Variants in SH2D4B observed in about 807,000 individuals in gnomAD.
SH2D4B encodes SH2 domain containing 4B, also known as SH2 domain-containing protein 4B.
Under a neutral mutation model 61.5 loss-of-function variants are expected in SH2D4B, and 45 were observed. The observed-to-expected ratio is 0.73, with a 90% CI of 0.58 to 0.94. SH2D4B has a LOEUF of 0.94. SH2D4B is among the 40% of genes least tolerant of loss of function. The pLI, the probability that SH2D4B is intolerant of heterozygous loss-of-function variation, is 0.00. For synonymous variants in SH2D4B, 224 were observed against 220.4 expected (o/e 1.02, Z -0.14); for missense variants, 572 against 574.2 (o/e 1.00, Z 0.04).
chr10:80,560,855 G>A (rs915707948), intron 1 of SH2D4B, among the ~76,000 whole-genome samples: 1 of 151,890 alleles, frequency 6.6e-6, no homozygotes, highest in Non-Finnish European at 1.5e-5. Context: ...AACACTAAGA[G>A]GTTATTTACT....
chr10:80,539,541 G>A lies in SH2D4B; in HGVS notation c.184+1026G>A, dbSNP rs1031583990. ...ATGAGTGGCTCTCACCGTTGGGAAT[G>A]TCCTTCTGCCTTCATCCACCTGACA... On this transcript the variant is annotated intron_variant, in intron 1 of 7. Transcript: ENST00000646907. This position sits in a 1 kb window ranked among gnomAD's most constrained non-coding sequence, Gnocchi z 4.9. Among the ~76,000 whole-genome samples the A allele has an allele frequency of 2.6e-5, 4 of 152,236 alleles. No homozygotes were observed. Among genetic ancestry groups the A allele is most frequent in the African/African-American group, 9.6e-5 (4 of 41,462 alleles).
chr10:80,634,104 C>T (rs563998120), intron 6 of SH2D4B, among the ~76,000 whole-genome samples, 181 bp from the exon 7 acceptor site: 107 of 152,302 alleles, frequency 7.0e-4, no homozygotes, highest in African/African-American at 2.3e-3. Flanking sequence ...AAGATGCCCT[C>T]TCTGTGGAAG....
intron 4 of SH2D4B, among the ~76,000 whole-genome samples, chr10:80,592,378 T>C (rs1564777561): frequency 6.6e-6 from 1 of 152,220 alleles, no homozygotes; most frequent in Non-Finnish European, 1.5e-5. Flanking sequence ...AATTTTAATT[T>C]TGATGAAGTT....
At chr10:80,564,116 A>G (rs1419436247) in intron 1 of SH2D4B, among the ~76,000 whole-genome samples, 2 of 152,058 alleles carry the variant, frequency 1.3e-5, no homozygotes, top group Non-Finnish European at 2.9e-5. Flanking sequence ...TGTCTTTATG[A>G]TGTGTTTTTT....
At chr10:80,585,457 G>C (rs1430325646) in intron 3 of SH2D4B, among the ~76,000 whole-genome samples, 5 of 151,966 alleles carry the variant, frequency 3.3e-5, no homozygotes, top group African/African-American at 1.2e-4. Context: ...TCGGATTACA[G>C]GTGCATGCCA....
rs1319148062 is a variant in SH2D4B at position 80,564,707 on chromosome 10, C to CAA, written c.185-5447_185-5446insAA. 2.6e-5 allele frequency among the ~76,000 whole-genome samples: 4 copies of CAA among 152,206 alleles called. No homozygotes were observed. The East Asian group carries it at 7.7e-4, about 29-fold the overall frequency. ...CCTGAATCCTATTTTATTCAACTGC[C>CAA]TGTTGAGTGTCTAATAAGCATGTCA... On this transcript the variant is annotated intron_variant, in intron 1 of 7. Transcript: ENST00000646907.
chr10:80,599,464 C>T (rs1842420454), intron 4 of SH2D4B, among the ~76,000 whole-genome samples: 1 of 152,198 alleles, frequency 6.6e-6, no homozygotes, highest in Non-Finnish European at 1.5e-5. Context: ...TTAGGGTCCT[C>T]TCTCCTCTTG....
At chr10:80,569,373 T>C (rs976670586) in intron 1 of SH2D4B, among the ~76,000 whole-genome samples, 1 of 152,058 alleles carries the variant, frequency 6.6e-6, no homozygotes, top group African/African-American at 2.4e-5. Context: ...GTCCAAAGCT[T>C]GTACTGCTCA....
chr10:80,637,003 T>A (rs976045665), intron 7 of SH2D4B, among the ~76,000 whole-genome samples: 3 of 152,302 alleles, frequency 2.0e-5, no homozygotes, highest in South Asian at 2.1e-4. Context: ...AGCTTTCTAC[T>A]TATGGCTAAC....
intron 7 of SH2D4B, among the ~76,000 whole-genome samples, chr10:80,638,143 A>G (rs901091029): frequency 1.3e-5 from 2 of 152,140 alleles, no homozygotes; most frequent in Non-Finnish European, 2.9e-5. Context: ...AGCTGACTTG[A>G]TCGTGGTGGA....
chr10:80,638,633 TC>T (rs1840232234), intron 7 of SH2D4B, among the ~76,000 whole-genome samples: 1 of 152,228 alleles, frequency 6.6e-6, no homozygotes, highest in Non-Finnish European at 1.5e-5. Flanking sequence ...GGTGGTGATA[TC>T]CCCTTTATCA....
At chr10:80,577,255 T>G (rs1281136928) in intron 3 of SH2D4B, among the ~76,000 whole-genome samples, 1 of 152,168 alleles carries the variant, frequency 6.6e-6, no homozygotes, top group African/African-American at 2.4e-5. Flanking sequence ...ACCAGACACA[T>G]GAGCAAAGCC....
intron 1 of SH2D4B, among the ~76,000 whole-genome samples, chr10:80,568,835 C>A (rs1842003506): frequency 6.6e-6 from 1 of 152,178 alleles, no homozygotes; most frequent in African/African-American, 2.4e-5. Flanking sequence ...TCACTAGCAA[C>A]CAACACTTAT....
intron 1 of SH2D4B, among the ~76,000 whole-genome samples, chr10:80,566,090 CAAAAAAAAA>C (rs60774703): frequency 3.4e-4 from 8 of 23,804 alleles, no homozygotes; most frequent in African/African-American, 5.1e-4. Context: ...GACTCCGGCT[CAAAAAAAAA>C]AAAAAAAAAA....
intron 3 of SH2D4B, among the ~76,000 whole-genome samples, chr10:80,576,638 T>A (rs958465877): frequency 1.3e-5 from 2 of 152,242 alleles, no homozygotes; most frequent in African/African-American, 4.8e-5. Context: ...GTAGGTTAAA[T>A]GGGATTTGCG....
chr10:80,596,147 T>C lies in SH2D4B; in HGVS notation c.643+7370T>C, dbSNP rs569177058. On this transcript the variant is annotated intron_variant, in intron 4 of 7. Transcript: ENST00000646907. ...TTGTGGTCAAAGCTCATTTTTTATC[T>C]GGGGCAAGCTCCTAGGCGATGCCTC... Among the ~76,000 whole-genome samples the C allele has an allele frequency of 2.0e-5, 3 of 152,364 alleles. No homozygotes were observed. The South Asian group carries it at 6.2e-4, about 32-fold the overall frequency.
chr10:80,602,678 G>A (rs1842464465), intron 4 of SH2D4B, among the ~76,000 whole-genome samples: 2 of 152,176 alleles, frequency 1.3e-5, no homozygotes, highest in Admixed American at 1.3e-4. Flanking sequence ...CTCATCTTGT[G>A]GTAGCAGGAA....
Position 80,619,932 on chromosome 10 carries a change from A to G in SH2D4B, c.988+10381A>G, listed in dbSNP as rs145426718. On this transcript the variant is annotated intron_variant, in intron 6 of 7. Transcript: ENST00000646907. ...TGTTTGCAGCCACTCCTTACCCTCC[A>G]CATCAGGCTTCTTTGGGCATTGCTT... Among the ~76,000 whole-genome samples, 702 of 152,320 alleles carry G rather than the reference A, an allele frequency of 4.6e-3. 9 individuals are homozygous for G. The highest frequency in any genetic ancestry group is 0.016 in the African/African-American group (658 of 41,568).
At chr10:80,628,443 C>T (rs943330356) in intron 6 of SH2D4B, among the ~76,000 whole-genome samples, 2 of 152,148 alleles carry the variant, frequency 1.3e-5, no homozygotes, top group African/African-American at 4.8e-5. Flanking sequence ...GATTGTGAGG[C>T]CTCCCCAGCC....
Sources: allele counts gnomAD v4.1 joint callset (sites outside exome capture counted in the v4.1 genomes callset), GRCh38; gene constraint gnomAD v4.1.1; non-coding constraint Gnocchi (gnomAD v3.1); transcripts MANE v1.5; gene names NCBI Gene and HGNC (gene_info 2026-07-23, HGNC 2026-07-21).